TJP1: variants seen among roughly 807,000 people sequenced by gnomAD.
TJP1 encodes the protein tight junction protein ZO-1.
In TJP1, 43 loss-of-function variants were observed where a neutral mutation model predicts 194.2. The observed-to-expected ratio is 0.22, with a 90% CI of 0.17 to 0.29. The LOEUF is 0.29. Ranked by LOEUF, TJP1 falls within the 10% of genes least tolerant of loss-of-function variation. The pLI is 1.00. For synonymous variants in TJP1, 801 were observed against 779.0 expected (o/e 1.03, Z -0.47); for missense variants, 1,971 against 2,185.7 (o/e 0.90, Z 1.96).
chr15:29,761,679 T>C lies in TJP1; in HGVS notation c.784A>G (p.Arg262Gly). ...TTCAATAGCGTAGCCCGTTCATCTC[T>C]TTGAACTACCATTTTTAATTTGCCT... ...SKGKLKMVVQ[R>G]DERATLLNVP... Residue 262 changes from arginine (R) to glycine (G), a missense_variant, in exon 7 of 28, where the codon AGA becomes GGA. Arg to Gly is a moderately radical substitution (Grantham distance 125). This residue lies in a region of TJP1 where 245 missense variants were observed against 336.6 expected (regional missense o/e 0.73). Coordinates refer to ENST00000614355, the MANE Select transcript of TJP1 (RefSeq NM_001330239.4). 6.2e-7 allele frequency: 1 copy of C among 1,610,702 alleles called. No individual in the cohort carries two copies. The highest frequency in any genetic ancestry group is 8.5e-7 in the Non-Finnish European group (1 of 1,177,182).
intron 8 of TJP1, among the ~76,000 whole-genome samples, chr15:29,750,742 C>T (rs2045219163): frequency 6.6e-6 from 1 of 152,116 alleles, no homozygotes; most frequent in Admixed American, 6.6e-5. Flanking sequence ...AAGCCAACTC[C>T]CCATTACAAA....
At chr15:29,812,951 T>G (rs1364356156) in intron 1 of TJP1, among the ~76,000 whole-genome samples, 1 of 152,134 alleles carries the variant, frequency 6.6e-6, no homozygotes, top group African/African-American at 2.4e-5. Context: ...TGTACTTCTG[T>G]ATTAACACTC....
intron 2 of TJP1, among the ~76,000 whole-genome samples, chr15:29,776,868 A>G (rs2047047408): frequency 6.6e-6 from 1 of 152,226 alleles, no homozygotes; most frequent in Non-Finnish European, 1.5e-5. Context: ...TTTAAAAATC[A>G]GTTTTCATTG....
rs34137363 is a variant in TJP1, at chr15:29,838,612, C to CTG, written c.307-37912_307-37911dup. ...CCTGTTATACATGTACTCTGTGTGT[C>CTG]TGTGTGTGTGTGTGTGTGTGTGTAG... is the stretch of plus-strand genomic sequence containing the variant. On this transcript the variant is annotated intron_variant, in intron 2 of 28. Transcript: ENST00000356107. Among the ~76,000 whole-genome samples the CTG allele has an allele frequency of 6.7e-3, 1,004 of 150,212 alleles. 5 individuals carry two copies. The highest frequency in any genetic ancestry group is 0.02 in the African/African-American group (803 of 40,952).
At chr15:29,965,730 G>C (rs1201675840) in intron 1 of TJP1, among the ~76,000 whole-genome samples, 1 of 152,142 alleles carries the variant, frequency 6.6e-6, no homozygotes, top group Non-Finnish European at 1.5e-5. Flanking sequence ...AAGCGTATAA[G>C]AGAAAAATAA....
chr15:29,795,339 C>T (rs1424654283), intron 2 of TJP1, among the ~76,000 whole-genome samples: 2 of 151,224 alleles, frequency 1.3e-5, no homozygotes, highest in Non-Finnish European at 2.9e-5. Flanking sequence ...AGGAGAATCG[C>T]TTCAACCGCA....
chr15:29,772,746 A>C (rs1212801840), intron 3 of TJP1, among the ~76,000 whole-genome samples: 1 of 152,138 alleles, frequency 6.6e-6, no homozygotes, highest in Non-Finnish European at 1.5e-5. Context: ...CTAGCTTTCC[A>C]ATTTTCATAG....
At chr15:29,874,707 G>A (rs2052639186) in intron 2 of TJP1, among the ~76,000 whole-genome samples, 1 of 152,034 alleles carries the variant, frequency 6.6e-6, no homozygotes, top group Non-Finnish European at 1.5e-5. Context: ...ATTTTTATTT[G>A]CTTATAAACT....
At chr15:29,770,867 T>G (rs986810618) in intron 4 of TJP1, among the ~76,000 whole-genome samples, 4 of 151,904 alleles carry the variant, frequency 2.6e-5, no homozygotes, top group South Asian at 2.1e-4. Flanking sequence ...TTATAAAATA[T>G]TAAATACATT....
At chr15:29,772,594 T>A (rs1208376134) in intron 3 of TJP1, among the ~76,000 whole-genome samples, 1 of 152,210 alleles carries the variant, frequency 6.6e-6, no homozygotes, top group East Asian at 1.9e-4. Flanking sequence ...TTTCTCTTTA[T>A]CTTACTAATC....
chr15:29,737,120 G>A (rs2044086055), intron 11 of TJP1, 144 bp downstream of exon 11: 2 of 942,680 alleles, frequency 2.1e-6, no homozygotes, highest in African/African-American at 3.3e-5. Flanking sequence ...TAGACCTGAT[G>A]GATTTTGACT....
At chr15:29,750,822 C>G (rs2045226563) in intron 8 of TJP1, among the ~76,000 whole-genome samples, 1 of 152,178 alleles carries the variant, frequency 6.6e-6, no homozygotes, top group African/African-American at 2.4e-5. Flanking sequence ...ATAAGGTAGG[C>G]AAGAACACCA....
Position 29,718,991 on chromosome 15 carries a change from T to C in TJP1, c.3151A>G (p.Ser1051Gly). Residue 1051 changes from serine (S) to glycine (G), a missense_variant, in exon 21 of 28, where the codon AGC (serine) becomes GGC (glycine). Physicochemically the swap from Ser to Gly is moderately conservative, Grantham distance 56 (BLOSUM62 0). This residue lies in a region of TJP1 where 1,108 missense variants were observed against 1,128.5 expected (regional missense o/e 0.98). Coordinates refer to ENST00000614355, the MANE Select transcript of TJP1 (RefSeq NM_001330239.4). Reference sequence around the variant, plus strand: ...TATGTGGGCTGCTCGAGGTCTCTGCTGGCTTGTTTCTCTACGTATGGGAGT... The same window carrying C: ...TATGTGGGCTGCTCGAGGTCTCTGCCGGCTTGTTTCTCTACGTATGGGAGT... ...PQLPYVEKQA[S>G]RDLEQPTYRY... 3.1e-6 allele frequency: 5 copies of C among 1,614,214 alleles called. No individual in the cohort carries two copies. The highest frequency in any genetic ancestry group is 4.2e-6 in the Non-Finnish European group (5 of 1,180,032).
At chr15:29,797,115 G>C (rs1236673409) in intron 2 of TJP1, among the ~76,000 whole-genome samples, 1 of 152,116 alleles carries the variant, frequency 6.6e-6, no homozygotes, top group African/African-American at 2.4e-5. Context: ...GATTGATAAA[G>C]GCAAAAATTA....
intron 2 of TJP1, among the ~76,000 whole-genome samples, chr15:29,797,693 T>C (rs1364135999): frequency 2.0e-5 from 3 of 151,578 alleles, no homozygotes; most frequent in Non-Finnish European, 4.4e-5. Context: ...GCAAATCATA[T>C]ATTTAACAAC....
rs1295218025 is a variant in TJP1, at chr15:29,833,877, A to T, written c.307-33175T>A. 0.022 allele frequency among the ~76,000 whole-genome samples: 318 copies of T among 14,422 alleles called. 7 individuals carry two copies. The East Asian group carries it at 0.24, about 11-fold the overall frequency. 9.5% of individuals were successfully genotyped at this position (14,422 alleles called of 152,430 possible). A position where few individuals can be genotyped will look rare whatever the true frequency, so the allele number is the denominator to read the frequency against. ...TGTAAGTATATATATATATATATAT[A>T]TATATTTTTTTTTTTTTTTTTTTTG... On this transcript the variant is annotated intron_variant, in intron 2 of 28. Coordinates refer to the TJP1 transcript ENST00000356107.
chr15:29,961,360 G>A (rs372813896), intron 1 of TJP1, among the ~76,000 whole-genome samples: 1 of 4,468 alleles, frequency 2.2e-4, no homozygotes, highest in Non-Finnish European at 5.7e-4. Context: ...TTTTTTTTTT[G>A]AGACGGAGTC....
intron 2 of TJP1, among the ~76,000 whole-genome samples, chr15:29,799,187 TA>T (rs45617647): frequency 1.3e-3 from 192 of 151,820 alleles, no homozygotes; most frequent in African/African-American, 4.1e-3. Flanking sequence ...TGTAATATGA[TA>T]AAAAAAATAC....
rs991951645 is a variant in TJP1, at chr15:29,700,569, T to G, written c.*1026A>C. On this transcript the variant is annotated 3_prime_UTR_variant, in exon 28 of 28. Coordinates refer to ENST00000614355, the MANE Select transcript of TJP1 (RefSeq NM_001330239.4). ...AAAGGTAGCCTTTAGAAACGTGGTC[T>G]TGTTTATGTATAAAAAAGGTAAAGT... 1 of 397,800 alleles carries G rather than the reference T, an allele frequency of 2.5e-6. No individual in the cohort carries two copies. Among genetic ancestry groups the G allele is most frequent in the Non-Finnish European group, 4.4e-6 (1 of 225,812 alleles). The allele number at this position is 397,800 out of a possible 1,614,324, so 24.6% of individuals were successfully genotyped here. A position where few individuals can be genotyped will look rare whatever the true frequency, so the allele number is the denominator to read the frequency against.
Sources: allele counts gnomAD v4.1 joint callset (sites outside exome capture counted in the v4.1 genomes callset), GRCh38; gene constraint gnomAD v4.1.1; regional missense constraint gnomAD v4.1.1; transcripts MANE v1.5; gene names NCBI Gene and HGNC (gene_info 2026-07-23, HGNC 2026-07-21).